The following HPS3 variants were observed in gnomAD, a reference collection of about 807,000 sequenced individuals.
HPS3 encodes the protein HPS3 biogenesis of lysosomal organelles complex 2 subunit 1, also known as BLOC-2 complex member HPS3.
A neutral mutation model predicts 110.9 loss-of-function variants in HPS3; 79 were observed. That is an observed-to-expected ratio of 0.71 (90% CI 0.59 to 0.86). HPS3 has a LOEUF of 0.86. Among genes scored for constraint, HPS3 ranks in the 40% least tolerant of loss-of-function variants. The pLI is 0.00. For synonymous variants in HPS3, 428 were observed against 451.0 expected (o/e 0.95, Z 0.65); for missense variants, 1,197 against 1,206.2 (o/e 0.99, Z 0.11).
chr3:149,170,913 T>C (rs1034550176), intron 16 of HPS3, among the ~76,000 whole-genome samples: 3 of 152,184 alleles, frequency 2.0e-5, no homozygotes, highest in Admixed American at 1.3e-4. Context: ...GAGGGCAGCA[T>C]GTATCTGTTA....
intron 10 of HPS3, among the ~76,000 whole-genome samples, chr3:149,159,776 G>A (rs1299496177): frequency 6.6e-6 from 1 of 152,072 alleles, no homozygotes; most frequent in Non-Finnish European, 1.5e-5. Flanking sequence ...TTCTTCTGAA[G>A]TGTTAAAATT....
At chr3:149,157,605 T>G in intron 9 of HPS3, 74 bp downstream of exon 9, 1 of 1,348,768 alleles carries the variant, frequency 7.4e-7, no homozygotes, top group South Asian at 1.2e-5. Context: ...CTTTTCCATC[T>G]CTGGTAGTTA....
At chr3:149,130,655 C>A (rs1296847687) in intron 1 of HPS3, among the ~76,000 whole-genome samples, 1 of 152,172 alleles carries the variant, frequency 6.6e-6, no homozygotes, top group African/African-American at 2.4e-5. Flanking sequence ...TGGTGGGCGC[C>A]TGTAGTCTCA....
Position 149,162,704 on chromosome 3 carries a change from G to A in HPS3, c.2307G>A (p.Lys769=). The A allele has an allele frequency of 6.2e-7, 1 of 1,613,950 alleles. No homozygotes were observed. The highest frequency in any genetic ancestry group is 8.5e-7 in the Non-Finnish European group (1 of 1,179,924). ...CTGTTTTTAAGGTGCTTTGTGCTAAGGATGAAGATACAATTCCTCAGCTCT... is the reference window on the plus strand; with the variant it reads ...CTGTTTTTAAGGTGCTTTGTGCTAAAGATGAAGATACAATTCCTCAGCTCT... ...ADSFFKVLCA[K]DEDTIPQLLV... The change falls in exon 13 of 17, where the codon AAG becomes AAA. Residue 769 remains lysine, a synonymous_variant. Coordinates refer to ENST00000296051, the MANE Select transcript of HPS3 (RefSeq NM_032383.5).
At chr3:149,151,207 T>A (rs941841267) in intron 6 of HPS3, among the ~76,000 whole-genome samples, 5 of 143,032 alleles carry the variant, frequency 3.5e-5, no homozygotes, top group African/African-American at 9.9e-5. Flanking sequence ...ATTATTATTT[T>A]TTTTTCTGCA....
intron 5 of HPS3, among the ~76,000 whole-genome samples, chr3:149,148,116 A>T (rs926955209): frequency 6.6e-6 from 1 of 151,458 alleles, no homozygotes; most frequent in African/African-American, 2.4e-5. Context: ...CAGATGATCC[A>T]CCCGCCACGG....
At chr3:149,143,097 A>G (rs1722581804) in intron 4 of HPS3, among the ~76,000 whole-genome samples, 1 of 152,172 alleles carries the variant, frequency 6.6e-6, no homozygotes, top group South Asian at 2.1e-4. Context: ...GACAGGGCCA[A>G]TAGCCATATT....
intron 1 of HPS3, among the ~76,000 whole-genome samples, chr3:149,132,381 C>T (rs574507133): frequency 3.9e-5 from 6 of 152,128 alleles, no homozygotes; most frequent in Admixed American, 1.3e-4. Context: ...AATCATAGGG[C>T]CCTTTTAAAA....
chr3:149,134,814 A>G (rs1721990250), intron 1 of HPS3, among the ~76,000 whole-genome samples: 1 of 152,212 alleles, frequency 6.6e-6, no homozygotes, highest in Non-Finnish European at 1.5e-5. Flanking sequence ...GTGGGATGGA[A>G]TTAGCATCAC....
chr3:149,135,690 T>C (rs4681487), intron 1 of HPS3, among the ~76,000 whole-genome samples: 87,304 of 151,904 alleles, frequency 0.57, 25,520 homozygotes, highest in African/African-American at 0.67. Context: ...TGAGAACTCC[T>C]CACTCCTGAA....
chr3:149,165,757 A>C (rs1398177358), intron 14 of HPS3, among the ~76,000 whole-genome samples: 2 of 152,124 alleles, frequency 1.3e-5, no homozygotes, highest in African/African-American at 2.4e-5. Flanking sequence ...GCTCCTTCCT[A>C]CTGCCCCCAC....
chr3:149,146,648 G>C (rs573263510), intron 5 of HPS3, among the ~76,000 whole-genome samples: 1 of 152,332 alleles, frequency 6.6e-6, no homozygotes, highest in Admixed American at 6.5e-5. Context: ...TGGAGATTCT[G>C]ATATCCACTC....
Position 149,162,127 on chromosome 3 carries a change from A to G in HPS3, c.2107-21A>G, listed in dbSNP as rs1262840716. 3 of 1,605,252 alleles carry G rather than the reference A, an allele frequency of 1.9e-6. No homozygotes were observed. The African/African-American group carries it at 4.0e-5, about 21-fold the overall frequency. Reference sequence around the variant, plus strand: ...TAAATACAATGTACCTTTTGTTCCTAAATTTCTTTCTTATCTGAAGATGAA... The same window carrying G: ...TAAATACAATGTACCTTTTGTTCCTGAATTTCTTTCTTATCTGAAGATGAA... On this transcript the variant is annotated intron_variant, in intron 11 of 16. Transcript: ENST00000296051.
At chr3:149,130,008 C>A in intron 1 of HPS3, 68 bp downstream of exon 1, 2 of 1,408,080 alleles carry the variant, frequency 1.4e-6, no homozygotes, top group Non-Finnish European at 1.9e-6. Flanking sequence ...GCGGACCGAA[C>A]GTCTGGGCTG....
intron 2 of HPS3, 85 bp downstream of exon 2, chr3:149,140,583 T>G: frequency 7.1e-7 from 1 of 1,404,424 alleles, no homozygotes; most frequent in Non-Finnish European, 1.0e-6. Flanking sequence ...GTGGTATATA[T>G]GGTGCCCGGC....
In HPS3 at chr3:149,141,073, C is replaced by A; in HGVS notation, c.769C>A (p.Pro257Thr). The A allele has an allele frequency of 6.2e-7, 1 of 1,613,798 alleles. No individual in the cohort carries two copies. The highest frequency in any genetic ancestry group is 1.3e-5 in the African/African-American group (1 of 74,992). The part of the protein sequence containing the change: ...ESDDFVICQK[P>T]LELLGEKSEQ... ...AGATGATTTTGTCATCTGCCAGAAG[C>A]CCCTGGAACTTCTTGGTGAAAAAAG... is the stretch of plus-strand genomic sequence containing the variant. The change falls in exon 3 of 17, where the codon CCC becomes ACC. Residue 257 changes from proline (P) to threonine (T), a missense_variant. Physicochemically the swap from Pro to Thr is conservative, Grantham distance 38. Coordinates refer to ENST00000296051, the MANE Select transcript of HPS3 (RefSeq NM_032383.5).
chr3:149,143,798 A>G lies in HPS3; in HGVS notation c.971-1556A>G, dbSNP rs114597109. ...AACTGGACAGTTGACTTTCAGCCAA[A>G]TATGGAGAGTACAGAATTGGACTTC... On this transcript the variant is annotated intron_variant, in intron 4 of 16. Transcript: ENST00000296051. 3.2e-3 allele frequency among the ~76,000 whole-genome samples: 490 copies of G among 152,300 alleles called. 2 individuals carry two copies. The highest frequency in any genetic ancestry group is 5.4e-3 in the Non-Finnish European group (364 of 68,022).
chr3:149,161,794 G>A (rs940572848), intron 11 of HPS3, among the ~76,000 whole-genome samples: 2 of 152,174 alleles, frequency 1.3e-5, no homozygotes, highest in African/African-American at 4.8e-5. Flanking sequence ...ACAGGTGTGA[G>A]CTACTGCACT....
chr3:149,143,693 A>G (rs1722621484), intron 4 of HPS3, among the ~76,000 whole-genome samples: 1 of 152,178 alleles, frequency 6.6e-6, no homozygotes, highest in South Asian at 2.1e-4. Flanking sequence ...GAGGTGTAAA[A>G]TTATGTGTAT....
Sources: allele counts gnomAD v4.1 joint callset (sites outside exome capture counted in the v4.1 genomes callset), GRCh38; gene constraint gnomAD v4.1.1; transcripts MANE v1.5; gene names NCBI Gene and HGNC (gene_info 2026-07-23, HGNC 2026-07-21).